The following NXPE2 variants were observed in gnomAD, a reference collection of about 807,000 sequenced individuals.
The protein encoded by NXPE2 is neurexophilin and PC-esterase domain family member 2, also known as NXPE family member 2.
A neutral mutation model predicts 34.4 loss-of-function variants in NXPE2; 34 were observed. The ratio of observed to expected loss-of-function variants is 0.99; its 90% CI spans 0.75 to 1.31. NXPE2 has a LOEUF of 1.31. Ranked by LOEUF, NXPE2 falls within the 40% of genes most tolerant of loss-of-function variation. NXPE2 has a pLI of 0.00. For missense variants in NXPE2, 649 were observed against 672.5 expected, an observed-to-expected ratio of 0.97 and a Z score of 0.39; for synonymous variants, 235 against 231.3, an observed-to-expected ratio of 1.02 and a Z score of -0.15.
chr11:114,634,469 T>G, the NXPE2 span, among the ~76,000 whole-genome samples: 2 of 152,128 alleles, frequency 1.3e-5, no homozygotes, highest in Non-Finnish European at 2.9e-5. Context: ...TTAGTTTAGT[T>G]AGATCCCACT....
the NXPE2 span, among the ~76,000 whole-genome samples, chr11:114,648,245 C>G: frequency 6.6e-6 from 1 of 151,958 alleles, no homozygotes; most frequent in Non-Finnish European, 1.5e-5. Context: ...ACTCACCAGT[C>G]TGAATTTGAA....
At chr11:114,527,982 GA>G in the NXPE2 span, 1 of 1,049,716 alleles carries the variant, frequency 9.5e-7, no homozygotes, top group Non-Finnish European at 1.4e-6. Flanking sequence ...GTGAGTGAAG[GA>G]AAATTTTTAG....
chr11:114,800,365 T>A, the NXPE2 span, among the ~76,000 whole-genome samples: 1 of 152,248 alleles, frequency 6.6e-6, no homozygotes, highest in Non-Finnish European at 1.5e-5. Context: ...AGCAGATATT[T>A]TTGTTTCTTC....
the NXPE2 span, among the ~76,000 whole-genome samples, chr11:114,473,801 T>C: frequency 6.6e-6 from 1 of 152,234 alleles, no homozygotes; most frequent in East Asian, 1.9e-4. Context: ...TGGTTTTCAA[T>C]TTCAGTCCTG....
chr11:114,552,006 G>C, the NXPE2 span: 1 of 152,308 alleles, frequency 6.6e-6, no homozygotes, highest in African/African-American at 2.4e-5. Flanking sequence ...TTGTGTGAAA[G>C]GTTTTGTGTG....
Position 114,679,674 on chromosome 11 carries a change from C to T in NXPE2, c.44C>T (p.Pro15Leu). The T allele has an allele frequency of 6.5e-7, 1 of 1,548,194 alleles. No individual in the cohort carries two copies. Among genetic ancestry groups the T allele is most frequent in the Non-Finnish European group, 8.7e-7 (1 of 1,144,330 alleles). The change falls in exon 2 of 6, where the codon CCA becomes CTA. Residue 15 changes from proline (P) to leucine (L), a missense_variant. Pro to Leu is a moderately conservative substitution (Grantham distance 98). Transcript: ENST00000389586. ...ILIHRILTLF[P>L]NAIARKLLLM... Reference sequence around the variant, plus strand: ...TCTTATAGGATACTCACTTTGTTTCCAAATGCCATAGCTCGAAAATTACTG... The same window carrying T: ...TCTTATAGGATACTCACTTTGTTTCTAAATGCCATAGCTCGAAAATTACTG...
chr11:114,578,602 T>C, the NXPE2 span, among the ~76,000 whole-genome samples: 4 of 152,192 alleles, frequency 2.6e-5, no homozygotes, highest in Non-Finnish European at 5.9e-5. Flanking sequence ...TTTCATTGGA[T>C]CAACTTTCCT....
chr11:114,775,890 AAC>A, the NXPE2 span, among the ~76,000 whole-genome samples: 1 of 148,056 alleles, frequency 6.8e-6, no homozygotes, highest in African/African-American at 2.5e-5. Flanking sequence ...GAAAAAAAAA[AAC>A]AAAAAAACCC....
the NXPE2 span, among the ~76,000 whole-genome samples, chr11:114,467,780 A>T: frequency 6.6e-6 from 1 of 151,942 alleles, no homozygotes; most frequent in African/African-American, 2.4e-5. Context: ...ACAAAAAATA[A>T]AAAAATTTTG....
the NXPE2 span, chr11:114,554,431 T>A: frequency 3.1e-6 from 3 of 956,510 alleles, no homozygotes; most frequent in East Asian, 2.3e-4. Context: ...ACATTCTTTG[T>A]GACATGGGCC....
the NXPE2 span, among the ~76,000 whole-genome samples, chr11:114,639,696 A>G: frequency 7.2e-6 from 1 of 138,302 alleles, no homozygotes; most frequent in East Asian, 2.0e-4. Flanking sequence ...TATCTATTCT[A>G]TAATATATTC....
At chr11:114,541,187 C>T in the NXPE2 span, among the ~76,000 whole-genome samples, 7 of 152,028 alleles carry the variant, frequency 4.6e-5, no homozygotes, top group East Asian at 1.9e-4. Flanking sequence ...AGGAGTAAAA[C>T]GGAATCCGTG....
intron 2 of NXPE2, among the ~76,000 whole-genome samples, chr11:114,684,047 T>C (rs1028467391): frequency 1.3e-5 from 2 of 152,092 alleles, no homozygotes; most frequent in African/African-American, 4.8e-5. Context: ...TAGGTATGAA[T>C]AGTCTAGGTT....
chr11:114,572,679 A>G, the NXPE2 span, among the ~76,000 whole-genome samples: 2 of 152,186 alleles, frequency 1.3e-5, no homozygotes, highest in Non-Finnish European at 2.9e-5. Flanking sequence ...AAGGATTTTA[A>G]AAAATGAACA....
chr11:114,520,133 TA>T, the NXPE2 span, among the ~76,000 whole-genome samples: 1 of 152,166 alleles, frequency 6.6e-6, no homozygotes. Context: ...GTAGAATACC[TA>T]AAATCTAGTC....
At chr11:114,737,541 T>C in the NXPE2 span, among the ~76,000 whole-genome samples, 2 of 152,322 alleles carry the variant, frequency 1.3e-5, no homozygotes, top group South Asian at 2.1e-4. Flanking sequence ...AGAACGTTCC[T>C]TAGGCTATAA....
intron 2 of NXPE2, among the ~76,000 whole-genome samples, chr11:114,692,701 C>T (rs1041661006): frequency 3.9e-5 from 6 of 152,236 alleles, no homozygotes; most frequent in African/African-American, 1.4e-4. Context: ...TAAATACTCT[C>T]CTTACTTACT....
chr11:114,698,642 T>C lies in NXPE2; in HGVS notation c.730T>C (p.Tyr244His). ...AAACACAAATGCTGAACTGTGCCAGTACATGGATGACAGAGACCAAGAAGC... is the reference window on the plus strand; with the variant it reads ...AAACACAAATGCTGAACTGTGCCAGCACATGGATGACAGAGACCAAGAAGC... ...TLNTNAELCQ[Y>H]MDDRDQEAFY... Residue 244 changes from tyrosine (Y) to histidine (H), a missense_variant, in exon 3 of 6, where the codon TAC becomes CAC. Physicochemically the swap from Tyr to His is moderately conservative, Grantham distance 83. Transcript: ENST00000389586. 2.5e-6 allele frequency: 4 copies of C among 1,614,182 alleles called. No individual in the cohort carries two copies. The Middle Eastern group carries it at 4.9e-4, about 200-fold the overall frequency.
chr11:114,796,119 C>G, the NXPE2 span, among the ~76,000 whole-genome samples: 1 of 152,140 alleles, frequency 6.6e-6, no homozygotes, highest in Admixed American at 6.6e-5. Flanking sequence ...GATTCTCAAG[C>G]TTTCTGAGCC....
Sources: allele counts gnomAD v4.1 joint callset (sites outside exome capture counted in the v4.1 genomes callset), GRCh38; gene constraint gnomAD v4.1.1; transcripts MANE v1.5; gene names NCBI Gene and HGNC (gene_info 2026-07-23, HGNC 2026-07-21).